The following ITGBL1 variants were observed in gnomAD, a reference collection of about 807,000 sequenced individuals.
ITGBL1 encodes integrin subunit beta like 1, also known as integrin beta-like protein 1.
Under a neutral mutation model 68.5 loss-of-function variants are expected in ITGBL1, and 51 were observed. That is an observed-to-expected ratio of 0.74 (90% CI 0.59 to 0.94). ITGBL1 has a LOEUF of 0.94. Ranked by LOEUF, ITGBL1 falls within the 40% of genes least tolerant of loss-of-function variation. ITGBL1 has a pLI of 0.00. For synonymous variants in ITGBL1, 209 were observed against 227.3 expected (o/e 0.92, Z 0.72); for missense variants, 649 against 647.4 (o/e 1.00, Z -0.03).
At chr13:101,457,492 A>G (rs140976224) in intron 2 of ITGBL1, among the ~76,000 whole-genome samples, 245 of 152,354 alleles carry the variant, frequency 1.6e-3, no homozygotes, top group African/African-American at 5.4e-3. Context: ...GGTTCCCTCC[A>G]TTAGAAGTCT....
intron 2 of ITGBL1, among the ~76,000 whole-genome samples, chr13:101,559,687 T>C (rs1351999834): frequency 6.6e-6 from 1 of 152,174 alleles, no homozygotes; most frequent in Admixed American, 6.5e-5. Flanking sequence ...AAACATAGCT[T>C]TTGAGCTTAC....
intron 5 of ITGBL1, among the ~76,000 whole-genome samples, chr13:101,581,822 A>T (rs1311402303): frequency 6.6e-6 from 1 of 152,238 alleles, no homozygotes; most frequent in African/African-American, 2.4e-5. Flanking sequence ...ATAATAACAC[A>T]GATATAAAAA....
intron 2 of ITGBL1, among the ~76,000 whole-genome samples, chr13:101,538,908 C>T (rs2049629577): frequency 6.6e-6 from 1 of 152,046 alleles, no homozygotes; most frequent in South Asian, 2.1e-4. Context: ...ACCATTTTCT[C>T]ATTTTACAGA....
intron 7 of ITGBL1, among the ~76,000 whole-genome samples, chr13:101,671,660 G>T (rs190802207): frequency 0.014 from 2,135 of 150,668 alleles, 24 homozygotes; most frequent in Non-Finnish European, 0.02. Context: ...GGATGGTCTC[G>T]ATCTCCTGAC....
At chr13:101,460,888 G>A (rs1259947307) in intron 2 of ITGBL1, among the ~76,000 whole-genome samples, 1 of 152,184 alleles carries the variant, frequency 6.6e-6, no homozygotes, top group Non-Finnish European at 1.5e-5. Flanking sequence ...AGCCATTCAT[G>A]AGGGATCCAC....
chr13:101,689,943 G>C (rs2033846930), intron 7 of ITGBL1, among the ~76,000 whole-genome samples: 1 of 152,138 alleles, frequency 6.6e-6, no homozygotes, highest in East Asian at 1.9e-4. Flanking sequence ...CTACCAAACA[G>C]TACGTCTTAT....
chr13:101,498,879 C>G (rs761252312), intron 2 of ITGBL1, among the ~76,000 whole-genome samples: 7 of 152,032 alleles, frequency 4.6e-5, no homozygotes, highest in Middle Eastern at 3.2e-3. Flanking sequence ...GGGGAGGCCT[C>G]GCAGTCATGG....
At chr13:101,592,311 T>A (rs2050668774) in intron 6 of ITGBL1, among the ~76,000 whole-genome samples, 2 of 152,140 alleles carry the variant, frequency 1.3e-5, no homozygotes, top group African/African-American at 4.8e-5. Flanking sequence ...TAGTATTTGC[T>A]TAAAAAGTGC....
downstream of ITGBL1, chr13:101,718,920 C>CTATT (rs1177856426): frequency 6.6e-6 from 1 of 152,036 alleles, no homozygotes; most frequent in Non-Finnish European, 1.5e-5. Flanking sequence ...GCTATGACTA[C>CTATT]TATTTCACTC....
intron 2 of ITGBL1, among the ~76,000 whole-genome samples, chr13:101,523,644 A>T (rs1056086099): frequency 1.3e-5 from 2 of 152,054 alleles, no homozygotes; most frequent in Non-Finnish European, 2.9e-5. Flanking sequence ...TCACTAGAGG[A>T]GTTTATGTTG....
chr13:101,700,872 C>T (rs1261875817), intron 8 of ITGBL1, among the ~76,000 whole-genome samples: 1 of 152,130 alleles, frequency 6.6e-6, no homozygotes, highest in Non-Finnish European at 1.5e-5. Context: ...TCCCTGACTA[C>T]CCTAGTTAAC....
intron 2 of ITGBL1, among the ~76,000 whole-genome samples, chr13:101,554,360 C>T (rs982962617): frequency 7.2e-5 from 11 of 152,182 alleles, no homozygotes; most frequent in African/African-American, 2.7e-4. Context: ...TGGGAGTAAA[C>T]TGTTCACAGT....
intron 7 of ITGBL1, among the ~76,000 whole-genome samples, chr13:101,620,906 A>G (rs1333476897): frequency 1.3e-5 from 2 of 152,112 alleles, no homozygotes. Context: ...ATACTGAACA[A>G]CTGCACCTGG....
chr13:101,579,450 T>C (rs2050418849), intron 5 of ITGBL1, 23 bp downstream of exon 5: 1 of 1,608,732 alleles, frequency 6.2e-7, no homozygotes, highest in South Asian at 1.1e-5. Context: ...TACATGTTAC[T>C]ACATAATGGG....
At chr13:101,533,241 T>A (rs1206735253) in intron 2 of ITGBL1, among the ~76,000 whole-genome samples, 1 of 152,242 alleles carries the variant, frequency 6.6e-6, no homozygotes, top group South Asian at 2.1e-4. Flanking sequence ...TTTCAACTTG[T>A]GTCTCTGGAA....
chr13:101,525,522 C>T (rs1384476354), intron 2 of ITGBL1, among the ~76,000 whole-genome samples: 1 of 72,318 alleles, frequency 1.4e-5, no homozygotes, highest in African/African-American at 7.3e-5. Flanking sequence ...AACACAGGCA[C>T]CTTGTTTTTT....
chr13:101,686,285 C>A (rs553926332), intron 7 of ITGBL1, among the ~76,000 whole-genome samples: 1 of 152,146 alleles, frequency 6.6e-6, no homozygotes, highest in Non-Finnish European at 1.5e-5. Context: ...CCTGCTTCTC[C>A]TTTTAGCTGC....
intron 2 of ITGBL1, among the ~76,000 whole-genome samples, chr13:101,531,458 G>C (rs1324113331): frequency 6.6e-6 from 1 of 151,972 alleles, no homozygotes; most frequent in East Asian, 1.9e-4. Flanking sequence ...GCAATACTCT[G>C]GAAAGGATTA....
intron 8 of ITGBL1, among the ~76,000 whole-genome samples, chr13:101,701,541 A>G (rs1250084180): frequency 1.3e-5 from 2 of 152,072 alleles, no homozygotes; most frequent in African/African-American, 4.8e-5. Flanking sequence ...AAAAAATAAA[A>G]TAAAATAATA....
Sources: allele counts gnomAD v4.1 joint callset (sites outside exome capture counted in the v4.1 genomes callset), GRCh38; gene constraint gnomAD v4.1.1; transcripts MANE v1.5; gene names NCBI Gene and HGNC (gene_info 2026-07-23, HGNC 2026-07-21).